TRAPPC9: variants seen among roughly 807,000 people sequenced by gnomAD.
The protein encoded by TRAPPC9 is IKK2 binding protein.
A neutral mutation model predicts 124.0 loss-of-function variants in TRAPPC9; 83 were observed. That is an observed-to-expected ratio of 0.67 (90% CI 0.56 to 0.80). The LOEUF is 0.80. TRAPPC9 is among the 30% of genes least tolerant of loss of function. TRAPPC9 has a pLI of 0.00. For synonymous variants in TRAPPC9, 638 were observed against 617.5 expected (o/e 1.03, Z -0.49); for missense variants, 1,302 against 1,508.3 (o/e 0.86, Z 2.27).
At chr8:140,454,299 A>G (rs2071573846) in intron 1 of TRAPPC9, among the ~76,000 whole-genome samples, 1 of 151,664 alleles carries the variant, frequency 6.6e-6, no homozygotes, top group African/African-American at 2.4e-5. Flanking sequence ...AAAAAAATTA[A>G]TAAATAAAAA....
At chr8:140,370,183 A>G (rs1457818538) in intron 8 of TRAPPC9, among the ~76,000 whole-genome samples, 1 of 151,550 alleles carries the variant, frequency 6.6e-6, no homozygotes, top group East Asian at 2.0e-4. Flanking sequence ...TCTGTCGCCC[A>G]GGCTGGAGTG....
At chr8:139,836,114 T>C (rs1442750777) in intron 21 of TRAPPC9, among the ~76,000 whole-genome samples, 1 of 152,092 alleles carries the variant, frequency 6.6e-6, no homozygotes, top group Non-Finnish European at 1.5e-5. Context: ...GTTCAGGTGA[T>C]TCTCCCTCCT....
intron 17 of TRAPPC9, among the ~76,000 whole-genome samples, chr8:140,078,631 T>C (rs899599054): frequency 1.3e-5 from 2 of 152,132 alleles, no homozygotes; most frequent in South Asian, 2.1e-4. Flanking sequence ...AGGGGTCTGA[T>C]AGAGGAACTG....
intron 7 of TRAPPC9, among the ~76,000 whole-genome samples, chr8:140,376,467 A>G (rs1377148630): frequency 6.7e-6 from 1 of 150,184 alleles, no homozygotes; most frequent in Non-Finnish European, 1.5e-5. Context: ...GAGGCAGGAG[A>G]ATGGCGTGAA....
chr8:140,094,118 T>TG (rs1403376805), intron 17 of TRAPPC9, among the ~76,000 whole-genome samples: 2 of 152,144 alleles, frequency 1.3e-5, no homozygotes, highest in African/African-American at 2.4e-5. Context: ...CCTCACCCTG[T>TG]GGACTGACTC....
chr8:139,835,419 C>G (rs1176009608), intron 21 of TRAPPC9, among the ~76,000 whole-genome samples: 3 of 152,282 alleles, frequency 2.0e-5, no homozygotes, highest in Non-Finnish European at 4.4e-5. Flanking sequence ...CGCCGTCCAG[C>G]CTTCCCTCCT....
At chr8:139,885,098 G>C (rs1480798742) in intron 21 of TRAPPC9, among the ~76,000 whole-genome samples, 1 of 152,230 alleles carries the variant, frequency 6.6e-6, no homozygotes, top group African/African-American at 2.4e-5. Context: ...GTAAAGAAGA[G>C]GAAGAAAGGG....
chr8:140,188,377 G>C (rs539667572), intron 17 of TRAPPC9, among the ~76,000 whole-genome samples: 66 of 152,302 alleles, frequency 4.3e-4, no homozygotes, highest in African/African-American at 1.6e-3. Context: ...TCCTCTGACT[G>C]CTGCCCTAAT....
chr8:140,287,341 A>G (rs1171539382), intron 13 of TRAPPC9, among the ~76,000 whole-genome samples: 1 of 152,132 alleles, frequency 6.6e-6, no homozygotes, highest in Non-Finnish European at 1.5e-5. Context: ...AGGAAGGCTC[A>G]CTGGAGGAAG....
intron 20 of TRAPPC9, among the ~76,000 whole-genome samples, chr8:139,895,005 G>A (rs540614871): frequency 6.6e-6 from 1 of 152,354 alleles, no homozygotes; most frequent in East Asian, 1.9e-4. Flanking sequence ...GGTGGGGCCA[G>A]GACAGTTGCC....
intron 21 of TRAPPC9, among the ~76,000 whole-genome samples, chr8:139,743,146 A>G (rs1472429268): frequency 6.6e-6 from 1 of 152,208 alleles, no homozygotes; most frequent in Non-Finnish European, 1.5e-5. Flanking sequence ...TGTGTAAATT[A>G]CAGTGACAGC....
intron 18 of TRAPPC9, among the ~76,000 whole-genome samples, chr8:140,005,206 C>G (rs1349053463): frequency 6.6e-6 from 1 of 152,144 alleles, no homozygotes; most frequent in African/African-American, 2.4e-5. Context: ...ACATAGCACA[C>G]CAACCACCAA....
At chr8:139,974,073 G>A (rs932242590) in intron 19 of TRAPPC9, among the ~76,000 whole-genome samples, 5 of 152,308 alleles carry the variant, frequency 3.3e-5, no homozygotes, top group Non-Finnish European at 7.3e-5. Context: ...CTGGGTACTC[G>A]TCAGGGAGAG....
intron 19 of TRAPPC9, among the ~76,000 whole-genome samples, chr8:139,980,483 C>T (rs188305229): frequency 1.3e-5 from 2 of 152,330 alleles, no homozygotes; most frequent in East Asian, 3.9e-4. Flanking sequence ...ATGACGTGCT[C>T]CAGCCGTGCG....
At chr8:139,794,766 G>T (rs1376321065) in intron 21 of TRAPPC9, among the ~76,000 whole-genome samples, 1 of 152,194 alleles carries the variant, frequency 6.6e-6, no homozygotes, top group African/African-American at 2.4e-5. Flanking sequence ...TGGCGAGGAC[G>T]AGTGCTCAGT....
intron 17 of TRAPPC9, among the ~76,000 whole-genome samples, chr8:140,036,244 TCTGG>T (rs1840869411): frequency 3.3e-5 from 5 of 150,414 alleles, no homozygotes; most frequent in African/African-American, 1.2e-4. Context: ...AAAAGAACAC[TCTGG>T]CTGCAACATG....
chr8:140,297,912 C>T (rs951844054), intron 11 of TRAPPC9, among the ~76,000 whole-genome samples: 5 of 152,216 alleles, frequency 3.3e-5, no homozygotes, highest in Admixed American at 2.6e-4. Flanking sequence ...CTGTCCCACA[C>T]CTACTGTGCA....
At chr8:139,817,957 G>A (rs1445020378) in intron 21 of TRAPPC9, among the ~76,000 whole-genome samples, 1 of 152,102 alleles carries the variant, frequency 6.6e-6, no homozygotes, top group Non-Finnish European at 1.5e-5. Context: ...AAAATGTGCT[G>A]AATTAATCCA....
chr8:140,130,671 G>A lies in TRAPPC9; in HGVS notation c.2556+90788C>T, dbSNP rs577075074. 6.8e-4 allele frequency among the ~76,000 whole-genome samples: 103 copies of A among 152,250 alleles called. 1 individual carries two copies. The highest frequency in any genetic ancestry group is 2.4e-3 in the African/African-American group (100 of 41,556). On this transcript the variant is annotated intron_variant, in intron 17 of 22. Coordinates refer to ENST00000438773, the MANE Select transcript of TRAPPC9 (RefSeq NM_001160372.4). The stretch of plus-strand genomic sequence containing the variant: ...CAAATGTGAACAGGGTCTGAGGACC[G>A]GATGGCCATCTCCTTATTTTGATGG...
Sources: gnomAD v4.1 joint callset for allele counts (sites outside exome capture counted in the v4.1 genomes callset) on GRCh38, gnomAD v4.1.1 for gene constraint, MANE v1.5 for transcripts, NCBI Gene and HGNC (gene_info 2026-07-23, HGNC 2026-07-21) for gene names.